The following SEPTIN9 variants were observed in gnomAD, a reference collection of about 807,000 sequenced individuals.
SEPTIN9 encodes septin-9.
A neutral mutation model predicts 56.6 loss-of-function variants in SEPTIN9; 13 were observed. That is an observed-to-expected ratio of 0.23 (90% CI 0.15 to 0.37). The LOEUF (loss-of-function observed/expected upper bound fraction) is 0.37, where lower values mean the gene tolerates loss of function less well. Among genes scored for constraint, SEPTIN9 ranks in the 10% least tolerant of loss-of-function variants. The pLI is 1.00. For missense variants in SEPTIN9, 650 were observed against 823.1 expected, an observed-to-expected ratio of 0.79 and a Z score of 2.57; for synonymous variants, 332 against 334.1, an observed-to-expected ratio of 0.99 and a Z score of 0.07.
intron 3 of SEPTIN9, among the ~76,000 whole-genome samples, chr17:77,468,741 C>T (rs1285292473): frequency 1.3e-5 from 2 of 152,170 alleles, no homozygotes; most frequent in African/African-American, 2.4e-5. Context: ...AGAGGGAAAT[C>T]ATCAGATTAG....
At chr17:77,351,037 C>T (rs375453479) in intron 2 of SEPTIN9, among the ~76,000 whole-genome samples, 20 of 147,868 alleles carry the variant, frequency 1.4e-4, no homozygotes, top group South Asian at 1.1e-3. Flanking sequence ...CACGTGTGGA[C>T]CTGTGTGGTG....
intron 1 of SEPTIN9, among the ~76,000 whole-genome samples, chr17:77,285,614 G>A (rs1044550458): frequency 6.6e-6 from 1 of 151,518 alleles, no homozygotes; most frequent in Admixed American, 6.6e-5. Flanking sequence ...GGCCAGGCTG[G>A]TCTCGAACTC....
chr17:77,484,453 G>T (rs1275552483), intron 4 of SEPTIN9, among the ~76,000 whole-genome samples: 1 of 135,822 alleles, frequency 7.4e-6, no homozygotes, highest in Admixed American at 7.1e-5. Flanking sequence ...TGATGGTGGT[G>T]GTGGTGATTG....
At chr17:77,335,434 G>A (rs989336638) in intron 2 of SEPTIN9, among the ~76,000 whole-genome samples, 3 of 150,078 alleles carry the variant, frequency 2.0e-5, no homozygotes, top group African/African-American at 7.4e-5. Flanking sequence ...ATACATGTAG[G>A]CCCCATGTTG....
At position 77,488,353 on chromosome 17, in the gene SEPTIN9, G is replaced by A. The variant is rs762259271; in HGVS notation, c.1124+32G>A. ...CCCCTCCAGGGGGAGGAGCACTAGC[G>A]GGGGCTTCAGGGCTCCCTGGACCCC... On this transcript the variant is annotated intron_variant, in intron 6 of 11. Transcript: ENST00000427177. The A allele has an allele frequency of 1.0e-5, 16 of 1,578,608 alleles. No homozygotes were observed. The South Asian group carries it at 1.2e-4, about 12-fold the overall frequency.
chr17:77,347,625 T>G (rs755876826), intron 2 of SEPTIN9, among the ~76,000 whole-genome samples: 2 of 151,850 alleles, frequency 1.3e-5, no homozygotes, highest in African/African-American at 4.8e-5. Flanking sequence ...TTCTTAAACA[T>G]GCTGTTTGGG....
intron 7 of SEPTIN9, among the ~76,000 whole-genome samples, chr17:77,490,172 T>G (rs886843789): frequency 6.6e-6 from 1 of 152,194 alleles, no homozygotes; most frequent in Non-Finnish European, 1.5e-5. Flanking sequence ...ACCGATTTAT[T>G]CTCACTGTGG....
Position 77,290,684 on chromosome 17 carries a change from G to A in SEPTIN9, c.19+9130G>A, listed in dbSNP as rs777239279. Reference sequence around the variant, plus strand: ...CAAAAAATTAGCTGGGTGCAGTGGCGGGCGCCTGTAGTCCCAGCTACTCGG... The same window carrying A: ...CAAAAAATTAGCTGGGTGCAGTGGCAGGCGCCTGTAGTCCCAGCTACTCGG... On this transcript the variant is annotated intron_variant, in intron 1 of 11. Transcript: ENST00000427177. Among the ~76,000 whole-genome samples the A allele has an allele frequency of 5.6e-4, 84 of 150,384 alleles. 1 individual carries two copies. The highest frequency in any genetic ancestry group is 3.4e-3 in the Middle Eastern group (1 of 290).
At chr17:77,364,261 G>A (rs796530101) in intron 2 of SEPTIN9, among the ~76,000 whole-genome samples, 10 of 152,276 alleles carry the variant, frequency 6.6e-5, no homozygotes, top group Admixed American at 5.2e-4. Flanking sequence ...AGCGCGAGCC[G>A]AGGCTCAGGT....
chr17:77,335,547 T>G (rs1005044375), intron 2 of SEPTIN9, among the ~76,000 whole-genome samples: 1 of 150,822 alleles, frequency 6.6e-6, no homozygotes, highest in Non-Finnish European at 1.5e-5. Flanking sequence ...TATATACATG[T>G]AGGCCCTATG....
chr17:77,458,455 T>TCGAGGGTAGAGTGACTGC (rs879385410), intron 3 of SEPTIN9, among the ~76,000 whole-genome samples: 32 of 152,322 alleles, frequency 2.1e-4, no homozygotes, highest in Admixed American at 1.8e-3. Context: ...GGAGCCCCAC[T>TCGAGGGTAGAGTGACTGC]CGAGGGTAGA....
intron 2 of SEPTIN9, among the ~76,000 whole-genome samples, chr17:77,390,612 C>T (rs1048334898): frequency 1.3e-5 from 2 of 151,422 alleles, no homozygotes; most frequent in Admixed American, 6.6e-5. Context: ...CCACCACGCC[C>T]GGCTAATTTT....
chr17:77,307,206 C>G lies in SEPTIN9; in HGVS notation c.76+9C>G. 1 of 1,612,974 alleles carries G rather than the reference C, an allele frequency of 6.2e-7. No homozygotes were observed. The highest frequency in any genetic ancestry group is 8.5e-7 in the Non-Finnish European group (1 of 1,179,178). ...TGACTCCAGTGGCCCAGGTAGGTGG[C>G]TCGCTCCGCTCTGGCCCCACCCAGC... On this transcript the variant is annotated intron_variant, in intron 2 of 11. Transcript: ENST00000427177.
chr17:77,407,995 C>T (rs1314173715), intron 3 of SEPTIN9, among the ~76,000 whole-genome samples: 1 of 151,944 alleles, frequency 6.6e-6, no homozygotes, highest in Non-Finnish European at 1.5e-5. Flanking sequence ...TACCCCCCTC[C>T]GGCTCCTCAG....
intron 3 of SEPTIN9, among the ~76,000 whole-genome samples, chr17:77,442,646 G>A (rs561594886): frequency 6.6e-6 from 1 of 152,076 alleles, no homozygotes; most frequent in African/African-American, 2.4e-5. Flanking sequence ...GCCGAGGCAG[G>A]TGGATCACCT....
rs545532203 is a variant in SEPTIN9, at chr17:77,373,461, C to T, written c.77-28598C>T. 3 of 1,515,446 alleles carry T rather than the reference C, an allele frequency of 2.0e-6. No individual in the cohort carries two copies. The African/African-American group carries it at 4.3e-5, about 22-fold the overall frequency. 93.9% of individuals were successfully genotyped at this position (1,515,446 alleles called of 1,614,324 possible). A position where few individuals can be genotyped will look rare whatever the true frequency, so the allele number is the denominator to read the frequency against. ...GGCCCCGCCGGGGGCGCTTCCTCGCCGCTGCCCTCCGCGCGACCCGCTGCC... is the reference window on the plus strand; with the variant it reads ...GGCCCCGCCGGGGGCGCTTCCTCGCTGCTGCCCTCCGCGCGACCCGCTGCC... On this transcript the variant is annotated intron_variant, in intron 2 of 11. Coordinates refer to ENST00000427177, the MANE Select transcript of SEPTIN9 (RefSeq NM_001113491.2).
At chr17:77,334,684 T>G (rs1470652159) in intron 2 of SEPTIN9, among the ~76,000 whole-genome samples, 1 of 152,114 alleles carries the variant, frequency 6.6e-6, no homozygotes, top group Non-Finnish European at 1.5e-5. Context: ...AGTTCTCTTA[T>G]TTTCTAGAAA....
At chr17:77,440,016 C>G (rs1022884784) in intron 3 of SEPTIN9, among the ~76,000 whole-genome samples, 3 of 152,136 alleles carry the variant, frequency 2.0e-5, no homozygotes, top group Non-Finnish European at 4.4e-5. Context: ...CTGCCAGCAC[C>G]CAGGGGACTG....
chr17:77,302,825 G>T (rs1421357859), intron 1 of SEPTIN9, among the ~76,000 whole-genome samples: 1 of 152,132 alleles, frequency 6.6e-6, no homozygotes, highest in Admixed American at 6.5e-5. Flanking sequence ...AGTTGACCTG[G>T]TCTCCACTAC....
Sources: gnomAD v4.1 joint callset for allele counts (sites outside exome capture counted in the v4.1 genomes callset) on GRCh38, gnomAD v4.1.1 for gene constraint, MANE v1.5 for transcripts, NCBI Gene and HGNC (gene_info 2026-07-23, HGNC 2026-07-21) for gene names.